Variants in SYTL5 observed in about 807,000 individuals in gnomAD.
The protein encoded by SYTL5 is synaptotagmin like 5, also known as synaptotagmin-like protein 5.
A neutral mutation model predicts 55.9 loss-of-function variants in SYTL5; 34 were observed. The observed-to-expected ratio is 0.61, with a 90% CI of 0.46 to 0.81. The LOEUF (loss-of-function observed/expected upper bound fraction) is 0.81. Among genes scored for constraint, SYTL5 ranks in the 30% least tolerant of loss-of-function variants. The pLI is 0.00. For synonymous variants in SYTL5, 221 were observed against 188.7 expected, an observed-to-expected ratio of 1.17 and a Z score of -1.40; for missense variants, 637 against 546.7, an observed-to-expected ratio of 1.17 and a Z score of -1.65.
chrX:37,900,031 T>G, the SYTL5 span, among the ~76,000 whole-genome samples: 1 of 112,263 alleles, frequency 8.9e-6, no homozygotes, highest in East Asian at 2.8e-4. Context: ...ATAAGAGTTG[T>G]GCTTGTCCGT....
At chrX:37,893,592 TTATC>T in the SYTL5 span, among the ~76,000 whole-genome samples, 23 of 78,204 alleles carry the variant, frequency 2.9e-4, no homozygotes, top group South Asian at 1.1e-3. Context: ...AATCTATATA[TTATC>T]TATAGATTAT....
the SYTL5 span, among the ~76,000 whole-genome samples, chrX:37,999,429 A>G: frequency 8.9e-6 from 1 of 112,749 alleles, no homozygotes; most frequent in East Asian, 2.8e-4. Context: ...GTAGGGAAAT[A>G]TCTCTAACTT....
chrX:38,000,813 T>A, the SYTL5 span, among the ~76,000 whole-genome samples: 1 of 111,287 alleles, frequency 9.0e-6, no homozygotes, highest in African/African-American at 3.3e-5. Flanking sequence ...GGAACGTGGT[T>A]TTCCCCTGGA....
chrX:38,088,474 A>C (rs1000321604), intron 6 of SYTL5, among the ~76,000 whole-genome samples: 2 of 111,933 alleles, frequency 1.8e-5, no homozygotes, highest in African/African-American at 6.5e-5. Context: ...GAGGGAAAAG[A>C]ATAAAATGGG....
chrX:38,076,266 A>G (rs1462210872), intron 5 of SYTL5, among the ~76,000 whole-genome samples: 1 of 111,662 alleles, frequency 9.0e-6, no homozygotes, highest in Non-Finnish European at 1.9e-5. Context: ...AACAGGCCCA[A>G]CTCAGGGAAT....
At chrX:37,990,053 T>A in the SYTL5 span, among the ~76,000 whole-genome samples, 2 of 109,741 alleles carry the variant, frequency 1.8e-5, no homozygotes, top group Non-Finnish European at 3.8e-5. Context: ...TTTTTATTTT[T>A]ATTTTTATTT....
chrX:37,945,309 C>T, the SYTL5 span, among the ~76,000 whole-genome samples: 9 of 111,999 alleles, frequency 8.0e-5, no homozygotes, highest in African/African-American at 2.9e-4. Flanking sequence ...AGATTTGATA[C>T]TAACTTTATG....
chrX:37,995,785 A>G, the SYTL5 span, among the ~76,000 whole-genome samples: 2 of 112,283 alleles, frequency 1.8e-5, no homozygotes, highest in Non-Finnish European at 3.8e-5. Flanking sequence ...AGATCTTGAC[A>G]TGTTGATTAA....
At chrX:38,078,828 T>G (rs954102747) in intron 6 of SYTL5, among the ~76,000 whole-genome samples, 46 of 112,554 alleles carry the variant, frequency 4.1e-4, no homozygotes, top group Admixed American at 1.2e-3. Context: ...TTGTTCTTTT[T>G]GTAAGCTGAA....
intron 1 of SYTL5, among the ~76,000 whole-genome samples, chrX:38,032,113 A>G (rs1324653108): frequency 2.7e-5 from 3 of 112,080 alleles, no homozygotes; most frequent in African/African-American, 9.7e-5. Context: ...GCCTGACCTC[A>G]TGGTTACTGG....
chrX:37,945,321 C>T, the SYTL5 span, among the ~76,000 whole-genome samples: 1 of 112,125 alleles, frequency 8.9e-6, no homozygotes, highest in African/African-American at 3.2e-5. Context: ...AACTTTATGA[C>T]ATCTTAGTCA....
At chrX:38,068,170 G>A (rs915813183) in intron 3 of SYTL5, among the ~76,000 whole-genome samples, 15 of 111,952 alleles carry the variant, frequency 1.3e-4, no homozygotes, top group Non-Finnish European at 2.4e-4. Context: ...ACAAGCATAT[G>A]AAAAAAATAT....
intron 1 of SYTL5, among the ~76,000 whole-genome samples, chrX:38,026,273 C>T (rs1294933542): frequency 3.6e-5 from 4 of 112,070 alleles, no homozygotes; most frequent in African/African-American, 6.5e-5. Context: ...TGTATTTCTC[C>T]GGAAGGACTG....
chrX:38,004,330 AT>A, upstream of SYTL5, among the ~76,000 whole-genome samples: 1 of 111,711 alleles, frequency 9.0e-6, no homozygotes, highest in East Asian at 2.8e-4. Context: ...GAGGTCTTAG[AT>A]TTAAATAGTA....
chrX:38,042,747 C>T (rs962670801), intron 2 of SYTL5, among the ~76,000 whole-genome samples: 8 of 111,640 alleles, frequency 7.2e-5, no homozygotes, highest in African/African-American at 2.3e-4. Context: ...AATGTTGGGG[C>T]TGGAAGGGGG....
At chrX:38,126,383 C>T (rs1346471191) in intron 16 of SYTL5, among the ~76,000 whole-genome samples, 1 of 112,042 alleles carries the variant, frequency 8.9e-6, no homozygotes, top group Non-Finnish European at 1.9e-5. Context: ...CCCGATTTGC[C>T]TCATATGGCC....
the SYTL5 span, among the ~76,000 whole-genome samples, chrX:37,935,003 A>T: frequency 2.7e-5 from 3 of 112,090 alleles, no homozygotes; most frequent in Non-Finnish European, 5.6e-5. Context: ...CACATTCGAG[A>T]ATCCCTATGA....
At chrX:37,889,240 T>G in the SYTL5 span, among the ~76,000 whole-genome samples, 4 of 112,344 alleles carry the variant, frequency 3.6e-5, no homozygotes, top group East Asian at 2.8e-4. Flanking sequence ...ATACTCACTG[T>G]GGAAAGTTGA....
the SYTL5 span, among the ~76,000 whole-genome samples, chrX:37,980,141 A>G: frequency 4.5e-5 from 5 of 112,146 alleles, no homozygotes; most frequent in Admixed American, 1.9e-4. Flanking sequence ...GCACCTATCT[A>G]TAAGTAAAAT....
Sources: allele counts gnomAD v4.1 joint callset (sites outside exome capture counted in the v4.1 genomes callset), GRCh38; gene constraint gnomAD v4.1.1; transcripts MANE v1.5; gene names NCBI Gene and HGNC (gene_info 2026-07-23, HGNC 2026-07-21).